Variants in SEZ6L observed in about 807,000 individuals in gnomAD.
The protein encoded by SEZ6L is seizure related 6 homolog like.
In SEZ6L, 37 loss-of-function variants were observed where a neutral mutation model predicts 106.2. That is an observed-to-expected ratio of 0.35 (90% CI 0.27 to 0.46). SEZ6L has a LOEUF of 0.46. SEZ6L is among the 20% of genes least tolerant of loss of function. The pLI, the probability that SEZ6L is intolerant of heterozygous loss-of-function variation, is 1.00. For missense variants in SEZ6L, 1,172 were observed against 1,332.8 expected (o/e 0.88, Z 1.88); for synonymous variants, 541 against 570.4 (o/e 0.95, Z 0.73).
intron 9 of SEZ6L, among the ~76,000 whole-genome samples, chr22:26,336,131 C>G (rs1228358242): frequency 6.6e-6 from 1 of 152,152 alleles, no homozygotes; most frequent in African/African-American, 2.4e-5. Flanking sequence ...CACCATGTGC[C>G]CATAATGACT....
rs757591644 is a variant in SEZ6L, at chr22:26,296,945, C to T, written c.1027C>T (p.Pro343Ser). 1.3e-5 allele frequency: 21 copies of T among 1,613,984 alleles called. No individual in the cohort carries two copies. The highest frequency in any genetic ancestry group is 1.8e-5 in the Non-Finnish European group (21 of 1,179,946). ...GCTCTCCATCCGCGGGGTGGACGGC[C>T]CTACCCTGACCGTCCTGGCCAACCA... ...ELLSIRGVDGPTLTVLANQTL... is the reference protein window; with the variant it reads ...ELLSIRGVDGSTLTVLANQTL... The change falls in exon 4 of 17, where the codon CCT becomes TCT. Residue 343 changes from proline to serine, a missense_variant. Around this residue, in one of 4 missense-constraint regions of SEZ6L, gnomAD observed 494 missense variants for 445.8 expected, o/e 1.11. Transcript: ENST00000248933.
chr22:26,300,423 C>T (rs111832277), intron 5 of SEZ6L, among the ~76,000 whole-genome samples: 4,198 of 152,028 alleles, frequency 0.028, 190 homozygotes, highest in African/African-American at 0.096. Context: ...TTTGTCCTTG[C>T]GACAGTTTGC....
In SEZ6L at chr22:26,191,362, A is replaced by G. The variant is rs573270281; in HGVS notation, c.94+21599A>G. Among the ~76,000 whole-genome samples, 6 of 152,352 alleles carry G rather than the reference A, an allele frequency of 3.9e-5. No homozygotes were observed. The East Asian group carries it at 1.2e-3, about 29-fold the overall frequency. On this transcript the variant is annotated intron_variant, in intron 1 of 16. Coordinates refer to ENST00000248933, the MANE Select transcript of SEZ6L (RefSeq NM_021115.5). ...AATGCCCATCAGTGATAGACTGGATAAAGAAAATGTGGTACATATACACCA... is the reference window on the plus strand; with the variant it reads ...AATGCCCATCAGTGATAGACTGGATGAAGAAAATGTGGTACATATACACCA...
At chr22:26,263,982 T>C (rs141587427) in intron 1 of SEZ6L, among the ~76,000 whole-genome samples, 3 of 152,328 alleles carry the variant, frequency 2.0e-5, no homozygotes, top group African/African-American at 7.2e-5. Flanking sequence ...AGTAGAGTGA[T>C]CTTTGCAATT....
chr22:26,292,193 T>C (rs1487191590), intron 1 of SEZ6L: 2 of 384,618 alleles, frequency 5.2e-6, no homozygotes, highest in South Asian at 6.2e-5. Context: ...GGAGGGAGGG[T>C]GGGAGGAAAA....
intron 6 of SEZ6L, among the ~76,000 whole-genome samples, chr22:26,310,057 A>C (rs1325760974): frequency 6.6e-6 from 1 of 152,172 alleles, no homozygotes. Context: ...ATTATTTCCA[A>C]CTTCTCAGTT....
At chr22:26,324,105 C>T (rs77012943) in intron 9 of SEZ6L, among the ~76,000 whole-genome samples, 1 of 144,150 alleles carries the variant, frequency 6.9e-6, no homozygotes, top group Admixed American at 7.2e-5. Flanking sequence ...CACACACAAA[C>T]ACACACACAC....
intron 9 of SEZ6L, among the ~76,000 whole-genome samples, chr22:26,326,973 C>T (rs1241332172): frequency 1.2e-4 from 18 of 152,174 alleles, no homozygotes; most frequent in Admixed American, 1.1e-3. Flanking sequence ...CGGGGACGGC[C>T]CCTGTGTGGA....
intron 11 of SEZ6L, among the ~76,000 whole-genome samples, chr22:26,348,612 A>AAAAGAAAGAAAGAAAGAAAGAAAG (rs1175520871): frequency 3.7e-4 from 8 of 21,782 alleles, no homozygotes; most frequent in Non-Finnish European, 4.6e-4. Flanking sequence ...AAGAAAGAGA[A>AAAAGAAAGAAAGAAAGAAAGAAAG]AAAGAAAGAA....
At chr22:26,261,835 A>G (rs988470755) in intron 1 of SEZ6L, among the ~76,000 whole-genome samples, 9 of 152,190 alleles carry the variant, frequency 5.9e-5, no homozygotes, top group African/African-American at 9.7e-5. Flanking sequence ...CAAAATTGAT[A>G]CGAGTATTTT....
chr22:26,292,616 T>A lies in SEZ6L; in HGVS notation c.305T>A (p.Leu102Gln), dbSNP rs760566198. Reference protein sequence around the residue: ...AHHDIPALSPLLPEEARPKHA... With the variant: ...AHHDIPALSPQLPEEARPKHA... ...CACGACATCCCAGCCCTGTCACCGC[T>A]GCTTCCAGAGGAGGCCCGCCCCAAG... The change falls in exon 2 of 17, where the codon CTG (leucine) becomes CAG (glutamine). Residue 102 changes from leucine to glutamine, a missense_variant. Around this residue, in one of 4 missense-constraint regions of SEZ6L, gnomAD observed 494 missense variants for 445.8 expected, o/e 1.11. Coordinates refer to ENST00000248933, the MANE Select transcript of SEZ6L (RefSeq NM_021115.5). 1 of 1,613,256 alleles carries A rather than the reference T, an allele frequency of 6.2e-7. No homozygotes were observed. Among genetic ancestry groups the A allele is most frequent in the Non-Finnish European group, 8.5e-7 (1 of 1,179,768 alleles).
intron 1 of SEZ6L, among the ~76,000 whole-genome samples, chr22:26,247,014 T>A (rs527245252): frequency 6.6e-6 from 1 of 152,310 alleles, no homozygotes; most frequent in African/African-American, 2.4e-5. Flanking sequence ...TTTGCAAATA[T>A]CAAGGGTGTG....
rs768948594 is a variant in SEZ6L, at chr22:26,293,023, A to G, written c.712A>G (p.Ser238Gly). 1.9e-6 allele frequency: 3 copies of G among 1,614,164 alleles called. No individual in the cohort carries two copies. Among genetic ancestry groups the G allele is most frequent in the Non-Finnish European group, 2.5e-6 (3 of 1,180,022 alleles). The change falls in exon 2 of 17, where the codon AGC (serine) becomes GGC (glycine). Residue 238 changes from serine (S) to glycine (G), a missense_variant. Physicochemically the swap from Ser to Gly is moderately conservative, Grantham distance 56. Transcript: ENST00000248933. Reference protein sequence around the residue: ...MAQEAPQEDTSPMALMDKGEN... With the variant: ...MAQEAPQEDTGPMALMDKGEN... ...CCAGGAGGCCCCCCAGGAGGACACC[A>G]GCCCCATGGCCCTGATGGACAAAGG...
At chr22:26,348,703 A>AAAGAAAGC (rs1207033331) in intron 11 of SEZ6L, among the ~76,000 whole-genome samples, 7 of 41,484 alleles carry the variant, frequency 1.7e-4, no homozygotes, top group African/African-American at 4.5e-4. Context: ...AGAAAGAAAG[A>AAAGAAAGC]AGGCAAGGGA....
At chr22:26,260,406 A>G (rs1217491123) in intron 1 of SEZ6L, among the ~76,000 whole-genome samples, 1 of 152,100 alleles carries the variant, frequency 6.6e-6, no homozygotes, top group Non-Finnish European at 1.5e-5. Context: ...TCCATTCTTG[A>G]GTTACTATGC....
At position 26,294,950 on chromosome 22, in the gene SEZ6L, TCTTTCTTTCTTG is replaced by T. The variant is rs1569450179; in HGVS notation, c.969+529_969+540del. On this transcript the variant is annotated intron_variant, in intron 3 of 16. Coordinates refer to ENST00000248933, the MANE Select transcript of SEZ6L (RefSeq NM_021115.5). ...TTCTCTTTCTCTTTCTTTCTTTCTT[TCTTTCTTTCTTG>T]CTTGCTTGCTTGCTTTCCTTCATTT... Among the ~76,000 whole-genome samples the T allele has an allele frequency of 3.3e-4, 50 of 150,436 alleles. 1 individual carries two copies. Among genetic ancestry groups the T allele is most frequent in the African/African-American group, 1.2e-3 (48 of 40,072 alleles).
chr22:26,227,725 C>A (rs558764555), intron 1 of SEZ6L, among the ~76,000 whole-genome samples: 7 of 152,022 alleles, frequency 4.6e-5, no homozygotes, highest in African/African-American at 1.7e-4. Flanking sequence ...ACCCTTTGTT[C>A]GTAGTACGAT....
At chr22:26,329,180 G>T (rs577078731) in intron 9 of SEZ6L, among the ~76,000 whole-genome samples, 2 of 152,142 alleles carry the variant, frequency 1.3e-5, no homozygotes, top group Non-Finnish European at 2.9e-5. Context: ...AGAGACTAAG[G>T]AAACAGGCTG....
At chr22:26,279,238 G>A (rs1411773270) in intron 1 of SEZ6L, among the ~76,000 whole-genome samples, 1 of 152,204 alleles carries the variant, frequency 6.6e-6, no homozygotes, top group African/African-American at 2.4e-5. Flanking sequence ...TGGCTTCCTG[G>A]TTTAGGCAGA....
Sources: allele counts gnomAD v4.1 joint callset (sites outside exome capture counted in the v4.1 genomes callset), GRCh38; gene constraint gnomAD v4.1.1; regional missense constraint gnomAD v4.1.1; transcripts MANE v1.5; gene names NCBI Gene and HGNC (gene_info 2026-07-23, HGNC 2026-07-21).